The following CFAP57 variants were observed in gnomAD, a reference collection of about 807,000 sequenced individuals.
The protein encoded by CFAP57 is cilia- and flagella-associated protein 57.
A neutral mutation model predicts 146.8 loss-of-function variants in CFAP57; 116 were observed. That is an observed-to-expected ratio of 0.79 (90% CI 0.68 to 0.92). The LOEUF (loss-of-function observed/expected upper bound fraction) is 0.92, where lower values mean the gene tolerates loss of function less well. CFAP57 is among the 40% of genes least tolerant of loss of function. The probability of loss-of-function intolerance (pLI) is 0.00; values close to 1 mark genes in which losing one functional copy is unlikely to be tolerated. For missense variants in CFAP57, 1,377 were observed against 1,527.2 expected, an observed-to-expected ratio of 0.90 and a Z score of 1.64; for synonymous variants, 518 against 552.8, an observed-to-expected ratio of 0.94 and a Z score of 0.88.
At chr1:43,227,377 G>A (rs369017611) in intron 18 of CFAP57, among the ~76,000 whole-genome samples, 3 of 152,212 alleles carry the variant, frequency 2.0e-5, no homozygotes, top group African/African-American at 4.8e-5. Flanking sequence ...GGCCCTACCC[G>A]TGCCTCAGTG....
chr1:43,191,002 G>A (rs1412494275), intron 6 of CFAP57, among the ~76,000 whole-genome samples: 3 of 152,128 alleles, frequency 2.0e-5, no homozygotes, highest in African/African-American at 7.2e-5. Context: ...AAGTGTTCCA[G>A]CCTCTTCTAA....
chr1:43,173,358 TCA>T (rs1174086575), intron 2 of CFAP57, among the ~76,000 whole-genome samples: 1 of 152,238 alleles, frequency 6.6e-6, no homozygotes, highest in Non-Finnish European at 1.5e-5. Flanking sequence ...TTATTTTTGT[TCA>T]CAGTGGTCCT....
At chr1:43,217,649 C>T (rs2124538301) in intron 12 of CFAP57, among the ~76,000 whole-genome samples, 1 of 152,276 alleles carries the variant, frequency 6.6e-6, no homozygotes, top group African/African-American at 2.4e-5. Flanking sequence ...CTCTCCATTC[C>T]TCTCTGGTCC....
At chr1:43,226,240 T>C (rs1645238314) in intron 17 of CFAP57, among the ~76,000 whole-genome samples, 1 of 152,204 alleles carries the variant, frequency 6.6e-6, no homozygotes, top group African/African-American at 2.4e-5. Flanking sequence ...ATCTGGAATC[T>C]GGACAGGGTA....
At chr1:43,248,892 T>A (rs951487347) in intron 22 of CFAP57, among the ~76,000 whole-genome samples, 9 of 152,062 alleles carry the variant, frequency 5.9e-5, no homozygotes, top group African/African-American at 2.2e-4. Context: ...TTTTTAATTT[T>A]ATTTTTTGAG....
intron 11 of CFAP57, 68 bp downstream of exon 11, chr1:43,209,984 C>G: frequency 6.2e-7 from 1 of 1,613,306 alleles, no homozygotes; most frequent in Middle Eastern, 1.7e-4. Context: ...TTCATCCCTT[C>G]AACCTCCCAA....
intron 10 of CFAP57, among the ~76,000 whole-genome samples, chr1:43,209,432 A>C (rs1049129631): frequency 7.2e-5 from 11 of 152,214 alleles, no homozygotes; most frequent in African/African-American, 2.4e-4. Flanking sequence ...GTGAGGATTG[A>C]ATGAGTTGCA....
At chr1:43,234,147 C>A in intron 19 of CFAP57, 132 bp from the exon 20 acceptor site, 1 of 1,084,024 alleles carries the variant, frequency 9.2e-7, no homozygotes, top group Non-Finnish European at 1.3e-6. Context: ...CCAGTATGGC[C>A]CCTGGCAGTC....
chr1:43,175,415 G>A (rs560308063), intron 2 of CFAP57, among the ~76,000 whole-genome samples: 28 of 151,792 alleles, frequency 1.8e-4, no homozygotes, highest in Non-Finnish European at 3.4e-4. Context: ...GAGATTCCTG[G>A]ATCTAAGGAC....
chr1:43,215,155 G>A, intron 11 of CFAP57, 100 bp from the exon 12 acceptor site: 1 of 1,390,566 alleles, frequency 7.2e-7, no homozygotes, highest in Non-Finnish European at 9.9e-7. Flanking sequence ...GTGAGGCTGT[G>A]CCCAGGATTG....
At position 43,248,138 on chromosome 1, in the gene CFAP57, C is replaced by CAA. The variant is rs35277187; in HGVS notation, c.3538+4800_3538+4801dup. Among the ~76,000 whole-genome samples the CAA allele has an allele frequency of 7.2e-3, 391 of 54,684 alleles. 2 individuals are homozygous for CAA. The highest frequency in any genetic ancestry group is 0.015 in the African/African-American group (206 of 13,414). The allele number at this position is 54,684 out of a possible 152,430, so 35.9% of individuals were successfully genotyped here. On this transcript the variant is annotated intron_variant, in intron 22 of 22. Coordinates refer to ENST00000372492, the MANE Select transcript of CFAP57 (RefSeq NM_001378189.1). Reference sequence around the variant, plus strand: ...TGGGTGACAGAGCAAGACTCTGTCTCAAAAAAAAAAAAAAAAAAAAAACAG... The same window carrying CAA: ...TGGGTGACAGAGCAAGACTCTGTCTCAAAAAAAAAAAAAAAAAAAAAAAACAG...
intron 13 of CFAP57, 31 bp from the exon 14 acceptor site, chr1:43,221,341 G>C (rs1302074268): frequency 4.7e-6 from 7 of 1,493,444 alleles, no homozygotes; most frequent in Non-Finnish European, 6.3e-6. Flanking sequence ...CAGCAGATGT[G>C]TGTAAATGAG....
At chr1:43,211,169 G>T (rs1644592299) in intron 11 of CFAP57, among the ~76,000 whole-genome samples, 1 of 152,054 alleles carries the variant, frequency 6.6e-6, no homozygotes, top group Non-Finnish European at 1.5e-5. Context: ...CTGGGCCTTG[G>T]GTCCAAAGTA....
chr1:43,177,293 GA>G (rs1432438307), intron 2 of CFAP57: 2 of 440,126 alleles, frequency 4.5e-6, no homozygotes, highest in Non-Finnish European at 9.1e-6. Context: ...TGCTTTGACA[GA>G]TTTCTTCATA....
intron 6 of CFAP57, among the ~76,000 whole-genome samples, chr1:43,195,879 AAGG>A (rs1302495545): frequency 6.6e-6 from 1 of 152,222 alleles, no homozygotes; most frequent in Admixed American, 6.5e-5. Context: ...TTGAGAAAGA[AAGG>A]AGCGAAATAA....
chr1:43,233,197 T>C (rs1464225493), intron 19 of CFAP57, among the ~76,000 whole-genome samples: 4 of 152,156 alleles, frequency 2.6e-5, no homozygotes, highest in Admixed American at 2.6e-4. Flanking sequence ...TTGAATAAGA[T>C]TGGAACTTTC....
Position 43,181,659 on chromosome 1 carries a change from CG to C in CFAP57, c.285del (p.Lys96SerfsTer48). ...TTATGAATTGTCATCCATCCCTTGC[CG>C]GAAGCGCAAAGTTCTTAATAATTTT... ...TIYELSSIPC[R>X]KRKVLNNFDF... On this transcript the variant is annotated frameshift_variant, in exon 3 of 23. Coordinates refer to ENST00000372492, the MANE Select transcript of CFAP57 (RefSeq NM_001378189.1). LOFTEE classifies it high-confidence loss of function. 2 of 1,614,186 alleles carry C rather than the reference CG, an allele frequency of 1.2e-6. No homozygotes were observed. The highest frequency in any genetic ancestry group is 4.5e-5 in the East Asian group (2 of 44,882).
At chr1:43,243,398 C>T (rs532515399) in intron 22 of CFAP57, 39 bp downstream of exon 22, 17 of 1,470,964 alleles carry the variant, frequency 1.2e-5, no homozygotes, top group Middle Eastern at 1.9e-4. Context: ...GGCACTGGGA[C>T]GAAGGGATTG....
intron 11 of CFAP57, among the ~76,000 whole-genome samples, chr1:43,215,030 T>C (rs1644779529): frequency 6.6e-6 from 1 of 152,254 alleles, no homozygotes; most frequent in Admixed American, 6.5e-5. Flanking sequence ...AATAGCTGAC[T>C]CTTCAGATTC....
Sources: allele counts gnomAD v4.1 joint callset (sites outside exome capture counted in the v4.1 genomes callset), GRCh38; gene constraint gnomAD v4.1.1; transcripts MANE v1.5; gene names NCBI Gene and HGNC (gene_info 2026-07-23, HGNC 2026-07-21).